The following LRRIQ1 variants were observed in gnomAD, a reference collection of about 807,000 sequenced individuals.
LRRIQ1 encodes the protein leucine rich repeats and IQ motif containing 1, also known as leucine-rich repeat- and IQ domain-containing protein 1.
Under a neutral mutation model 211.9 loss-of-function variants are expected in LRRIQ1, and 210 were observed. The ratio of observed to expected loss-of-function variants is 0.99; its 90% confidence interval spans 0.89 to 1.11. LRRIQ1 has a LOEUF of 1.11. LRRIQ1 is among the 50% of genes most tolerant of loss of function. LRRIQ1 has a pLI of 0.00. For synonymous variants in LRRIQ1, 699 were observed against 650.1 expected, an observed-to-expected ratio of 1.08 and a Z score of -1.14; for missense variants, 2,136 against 1,939.5, an observed-to-expected ratio of 1.10 and a Z score of -1.90.
At chr12:85,101,049 A>T (rs1886310123) in intron 13 of LRRIQ1, among the ~76,000 whole-genome samples, 1 of 151,808 alleles carries the variant, frequency 6.6e-6, no homozygotes, top group African/African-American at 2.4e-5. Flanking sequence ...CAAGTATAAA[A>T]GTGGTAATGC....
chr12:85,148,781 TC>T (rs761534242), intron 19 of LRRIQ1, among the ~76,000 whole-genome samples: 1 of 152,012 alleles, frequency 6.6e-6, no homozygotes, highest in African/African-American at 2.4e-5. Context: ...GTAAAAGTGT[TC>T]CTATTTCTCC....
chr12:85,104,239 T>G (rs1886610814), intron 14 of LRRIQ1, among the ~76,000 whole-genome samples, 162 bp downstream of exon 14: 1 of 151,924 alleles, frequency 6.6e-6, no homozygotes, highest in African/African-American at 2.4e-5. Context: ...TTATTTCCAC[T>G]TTTACAGTCA....
At chr12:85,136,421 C>T (rs1889138586) in intron 18 of LRRIQ1, among the ~76,000 whole-genome samples, 1 of 151,828 alleles carries the variant, frequency 6.6e-6, no homozygotes, top group Non-Finnish European at 1.5e-5. Flanking sequence ...AGAAGTAGAA[C>T]ATATTATGTG....
At chr12:85,076,916 A>G (rs1883726637) in intron 11 of LRRIQ1, among the ~76,000 whole-genome samples, 1 of 152,074 alleles carries the variant, frequency 6.6e-6, no homozygotes, top group Non-Finnish European at 1.5e-5. Context: ...ACAGATGAAA[A>G]AACACCCACA....
chr12:85,124,278 G>A lies in LRRIQ1; in HGVS notation c.3766G>A (p.Gly1256Ser). Residue 1256 changes from glycine (G) to serine (S), a missense_variant, in exon 17 of 27, where the codon GGT becomes AGT. Gly to Ser is a moderately conservative substitution (Grantham distance 56, BLOSUM62 0). Coordinates refer to ENST00000393217, the MANE Select transcript of LRRIQ1 (RefSeq NM_001079910.2). ...NGVFYSCAREGEPDSPDIPEK... is the reference protein window; with the variant it reads ...NGVFYSCARESEPDSPDIPEK... The stretch of plus-strand genomic sequence containing the variant: ...AGTCTTCTACTCTTGTGCACGTGAA[G>A]GTGAGCCAGACTCACCAGATATTCC... 2.5e-6 allele frequency: 4 copies of A among 1,614,068 alleles called. No individual in the cohort carries two copies. Among genetic ancestry groups the A allele is most frequent in the Non-Finnish European group, 3.4e-6 (4 of 1,180,018 alleles).
At chr12:85,100,775 A>G (rs1387938856) in intron 13 of LRRIQ1, among the ~76,000 whole-genome samples, 2 of 151,774 alleles carry the variant, frequency 1.3e-5, no homozygotes, top group East Asian at 1.9e-4. Context: ...ATTGATAGCA[A>G]AGGACATATG....
At chr12:85,207,226 T>C (rs1207177511) in intron 24 of LRRIQ1, among the ~76,000 whole-genome samples, 1 of 152,054 alleles carries the variant, frequency 6.6e-6, no homozygotes, top group Non-Finnish European at 1.5e-5. Context: ...TTCCAACCAC[T>C]TCAGCCCAGC....
chr12:85,208,441 A>T (rs1308400998), intron 24 of LRRIQ1, among the ~76,000 whole-genome samples: 1 of 152,142 alleles, frequency 6.6e-6, no homozygotes, highest in East Asian at 1.9e-4. Context: ...TAACTAAAAA[A>T]ATAAGAAAAC....
At chr12:85,050,088 G>A (rs1711639866) in intron 6 of LRRIQ1, among the ~76,000 whole-genome samples, 1 of 152,054 alleles carries the variant, frequency 6.6e-6, no homozygotes, top group African/African-American at 2.4e-5. Context: ...GATCTAATGT[G>A]GACTCAGAGC....
In LRRIQ1 at chr12:85,254,898, C is replaced by T. The variant is rs909592527; in HGVS notation, c.122-8017C>T. ...ATTTACAAAGAACTTGAGGAGTGAA[C>T]AGAAATTTAGCAAGATAAGTAAAGG... On this transcript the variant is annotated intron_variant, in intron 1 of 1. Transcript: ENST00000602731. Among the ~76,000 whole-genome samples, 9 of 151,860 alleles carry T rather than the reference C, an allele frequency of 5.9e-5. No individual in the cohort carries two copies. In the South Asian group the frequency reaches 6.2e-4, roughly 10 times the overall value.
intron 11 of LRRIQ1, among the ~76,000 whole-genome samples, chr12:85,088,287 T>C (rs1885038739): frequency 6.6e-6 from 1 of 152,184 alleles, no homozygotes; most frequent in African/African-American, 2.4e-5. Context: ...AGGGCTCTGT[T>C]CTGTTCCATT....
At chr12:85,217,264 T>C (rs528117585) in intron 24 of LRRIQ1, among the ~76,000 whole-genome samples, 4 of 151,038 alleles carry the variant, frequency 2.6e-5, no homozygotes, top group Non-Finnish European at 5.9e-5. Flanking sequence ...TGTAATAATA[T>C]AAAGTATGTT....
intron 15 of LRRIQ1, among the ~76,000 whole-genome samples, chr12:85,120,903 C>A (rs948319132): frequency 6.6e-6 from 1 of 152,108 alleles, no homozygotes; most frequent in Non-Finnish European, 1.5e-5. Flanking sequence ...TGCTGTCTGA[C>A]CTGGCTTTTT....
Position 85,098,678 on chromosome 12 carries a change from C to T in LRRIQ1, c.3081+130C>T. 3.8e-6 allele frequency: 3 copies of T among 797,050 alleles called. No homozygotes were observed. The South Asian group carries it at 6.7e-5, about 18-fold the overall frequency. The allele number at this position is 797,050 out of a possible 1,614,324, so 49.4% of individuals were successfully genotyped here. On this transcript the variant is annotated intron_variant, in intron 12 of 26. Coordinates refer to ENST00000393217, the MANE Select transcript of LRRIQ1 (RefSeq NM_001079910.2). ...TTTTTCACCATGAAGTAACCTTTAT[C>T]AAGAATATTAAATATTATACAGTTA...
chr12:85,186,273 AT>A (rs761344514), intron 24 of LRRIQ1, among the ~76,000 whole-genome samples: 15 of 152,202 alleles, frequency 9.9e-5, no homozygotes, highest in Non-Finnish European at 2.1e-4. Context: ...TAACCTACAG[AT>A]GACCTGGACT....
chr12:85,186,214 G>A (rs1892222618), intron 24 of LRRIQ1, among the ~76,000 whole-genome samples: 1 of 152,028 alleles, frequency 6.6e-6, no homozygotes, highest in South Asian at 2.1e-4. Flanking sequence ...AAACTGTCAG[G>A]GATTAAGACT....
At chr12:85,175,380 C>G (rs1891642506) in intron 24 of LRRIQ1, among the ~76,000 whole-genome samples, 3 of 152,066 alleles carry the variant, frequency 2.0e-5, no homozygotes, top group Non-Finnish European at 2.9e-5. Flanking sequence ...TATTTGCTAT[C>G]AATACATTCA....
chr12:85,268,521 A>G (rs1267426934), downstream of LRRIQ1, among the ~76,000 whole-genome samples: 2 of 152,018 alleles, frequency 1.3e-5, no homozygotes, highest in Non-Finnish European at 1.5e-5. Context: ...GAATAATTTA[A>G]TATATACCTT....
intron 24 of LRRIQ1, among the ~76,000 whole-genome samples, chr12:85,199,811 G>A (rs1171332152): frequency 6.6e-6 from 1 of 151,990 alleles, no homozygotes; most frequent in African/African-American, 2.4e-5. Flanking sequence ...CCTCCACCTG[G>A]TACCGCCCTT....
Sources: allele counts gnomAD v4.1 joint callset (sites outside exome capture counted in the v4.1 genomes callset), GRCh38; gene constraint gnomAD v4.1.1; transcripts MANE v1.5; gene names NCBI Gene and HGNC (gene_info 2026-07-23, HGNC 2026-07-21).